Variants in ZNRF2 observed in about 807,000 individuals in gnomAD.
ZNRF2 encodes the protein zinc and ring finger 2.
In ZNRF2, 16 loss-of-function variants were observed where a neutral mutation model predicts 20.4. The ratio of observed to expected loss-of-function variants is 0.79; its 90% CI spans 0.53 to 1.19. The LOEUF is 1.19. Among genes scored for constraint, ZNRF2 ranks in the 50% most tolerant of loss-of-function variants. The probability of loss-of-function intolerance (pLI) is 0.00; values close to 1 mark genes in which losing one functional copy is unlikely to be tolerated. For missense variants in ZNRF2, 363 were observed against 332.4 expected, an observed-to-expected ratio of 1.09 and a Z score of -0.72; for synonymous variants, 178 against 144.9, an observed-to-expected ratio of 1.23 and a Z score of -1.64.
chr7:30,365,147 C>CTTTTTTT (rs533354831), intron 4 of ZNRF2, among the ~76,000 whole-genome samples: 2 of 70,328 alleles, frequency 2.8e-5, no homozygotes, highest in African/African-American at 6.2e-5. Context: ...AGCTGATAAG[C>CTTTTTTT]TTTTTTTTTT....
intron 1 of ZNRF2, among the ~76,000 whole-genome samples, chr7:30,317,969 C>A (rs1296398889): frequency 6.6e-6 from 1 of 152,138 alleles, no homozygotes; most frequent in Non-Finnish European, 1.5e-5. Flanking sequence ...CATTGTTTGT[C>A]ATATTCATTG....
At chr7:30,314,659 T>C (rs1799340497) in intron 1 of ZNRF2, among the ~76,000 whole-genome samples, 1 of 152,152 alleles carries the variant, frequency 6.6e-6, no homozygotes, top group South Asian at 2.1e-4. Flanking sequence ...CATAAAAATG[T>C]GTGCCTGCTT....
intron 1 of ZNRF2, among the ~76,000 whole-genome samples, chr7:30,295,050 A>AGAGAGG (rs1412764480): frequency 2.6e-5 from 1 of 38,238 alleles, no homozygotes; most frequent in Non-Finnish European, 4.8e-5. Context: ...AGAGAGAGAG[A>AGAGAGG]GTGTGTGTGT....
At chr7:30,291,821 A>T (rs1307509993) in intron 1 of ZNRF2, among the ~76,000 whole-genome samples, 1 of 152,230 alleles carries the variant, frequency 6.6e-6, no homozygotes, top group Non-Finnish European at 1.5e-5. Context: ...TAAGGGATGA[A>T]TATAGATTGA....
intron 2 of ZNRF2, among the ~76,000 whole-genome samples, chr7:30,331,852 T>G (rs1051331764): frequency 4.6e-5 from 7 of 152,216 alleles, no homozygotes; most frequent in Admixed American, 4.6e-4. Context: ...TCTAAAATGC[T>G]TCTTGTTTTA....
At chr7:30,298,981 A>G (rs772923574) in intron 1 of ZNRF2, among the ~76,000 whole-genome samples, 1 of 152,044 alleles carries the variant, frequency 6.6e-6, no homozygotes, top group Admixed American at 6.5e-5. Flanking sequence ...CATCTTCTTG[A>G]TTTTTTATAG....
At chr7:30,362,280 TAAA>T in intron 3 of ZNRF2, 94 bp from the exon 4 acceptor site, 1 of 758,680 alleles carries the variant, frequency 1.3e-6, no homozygotes, top group Non-Finnish European at 2.0e-6. Context: ...TTTTTTTCTG[TAAA>T]AAATATATTA....
chr7:30,362,491 GC>G (rs2127958278), intron 4 of ZNRF2, 35 bp downstream of exon 4: 1 of 1,320,352 alleles, frequency 7.6e-7, no homozygotes, highest in Non-Finnish European at 1.1e-6. Context: ...TAAAGCGTTA[GC>G]CCAAATTATA....
chr7:30,308,227 T>C (rs1799238937), intron 1 of ZNRF2, among the ~76,000 whole-genome samples: 1 of 152,234 alleles, frequency 6.6e-6, no homozygotes, highest in African/African-American at 2.4e-5. Context: ...AAGATTCATT[T>C]ATACTGTGTG....
At chr7:30,333,412 C>G (rs1420581692) in intron 2 of ZNRF2, among the ~76,000 whole-genome samples, 1 of 151,118 alleles carries the variant, frequency 6.6e-6, no homozygotes, top group Non-Finnish European at 1.5e-5. Context: ...TCTTGTTGCC[C>G]AGGCTGGAGT....
intron 1 of ZNRF2, among the ~76,000 whole-genome samples, chr7:30,294,395 A>G (rs1798973493): frequency 6.6e-6 from 1 of 152,088 alleles, no homozygotes; most frequent in African/African-American, 2.4e-5. Flanking sequence ...CTGCATTTCG[A>G]TATTTTCTTT....
At chr7:30,356,076 TA>T (rs1800031734) in intron 3 of ZNRF2, among the ~76,000 whole-genome samples, 2 of 152,230 alleles carry the variant, frequency 1.3e-5, no homozygotes, top group South Asian at 2.1e-4. Flanking sequence ...GCTTCTTGAA[TA>T]AATTATCTCA....
chr7:30,293,330 C>T (rs1028733074), intron 1 of ZNRF2, among the ~76,000 whole-genome samples: 2 of 150,866 alleles, frequency 1.3e-5, no homozygotes, highest in Non-Finnish European at 2.9e-5. Context: ...CTCACTGCAA[C>T]CTCTGCCTCC....
rs187844075 is a variant in ZNRF2, at chr7:30,347,400, A to G, written c.566-8328A>G. On this transcript the variant is annotated intron_variant, in intron 2 of 4. Coordinates refer to ENST00000323037, the MANE Select transcript of ZNRF2 (RefSeq NM_147128.4). The stretch of plus-strand genomic sequence containing the variant: ...GCTTCTTTCTGGTGCTTTCAGTGTC[A>G]GTGAGAGCAGCCTTCCTCCCTGCTC... Among the ~76,000 whole-genome samples, 6 of 152,264 alleles carry G rather than the reference A, an allele frequency of 3.9e-5. No individual in the cohort carries two copies. In the East Asian group the frequency reaches 7.7e-4, roughly 20 times the overall value.
In ZNRF2 at chr7:30,348,673, G is replaced by A. The variant is rs149133722; in HGVS notation, c.566-7055G>A. On this transcript the variant is annotated intron_variant, in intron 2 of 4. Transcript: ENST00000323037. Reference sequence around the variant, plus strand: ...CTCGTAAAAGCAGCTGCCCCTTTTTGATAGGACTACATGTACCGGTTTGCT... The same window carrying A: ...CTCGTAAAAGCAGCTGCCCCTTTTTAATAGGACTACATGTACCGGTTTGCT... Among the ~76,000 whole-genome samples, 1,016 of 152,216 alleles carry A rather than the reference G, an allele frequency of 6.7e-3. 16 individuals are homozygous for A. Among genetic ancestry groups the A allele is most frequent in the African/African-American group, 0.024 (977 of 41,550 alleles).
At chr7:30,309,145 C>T (rs945761486) in intron 1 of ZNRF2, among the ~76,000 whole-genome samples, 6 of 151,892 alleles carry the variant, frequency 4.0e-5, no homozygotes, top group Non-Finnish European at 7.4e-5. Flanking sequence ...GAATAGGCTT[C>T]GTATTAAAAC....
chr7:30,347,479 A>G (rs1268018180), intron 2 of ZNRF2, among the ~76,000 whole-genome samples: 1 of 152,172 alleles, frequency 6.6e-6, no homozygotes, highest in Non-Finnish European at 1.5e-5. Context: ...GGATTAGAGG[A>G]CATTGACCAA....
chr7:30,348,166 A>G (rs1562619796), intron 2 of ZNRF2, among the ~76,000 whole-genome samples: 1 of 146,364 alleles, frequency 6.8e-6, no homozygotes, highest in Non-Finnish European at 1.5e-5. Context: ...CAATACACTT[A>G]AAAATGTTAA....
intron 4 of ZNRF2, among the ~76,000 whole-genome samples, chr7:30,364,391 A>T (rs1470752158): frequency 6.6e-6 from 1 of 152,128 alleles, no homozygotes; most frequent in Non-Finnish European, 1.5e-5. Context: ...GAGGCTGAAC[A>T]CTAATTGCTT....
Sources: allele counts gnomAD v4.1 joint callset (sites outside exome capture counted in the v4.1 genomes callset), GRCh38; gene constraint gnomAD v4.1.1; transcripts MANE v1.5; gene names NCBI Gene and HGNC (gene_info 2026-07-23, HGNC 2026-07-21).